Variants in UIMC1 observed in about 807,000 individuals in gnomAD.
UIMC1 encodes BRCA1-A complex subunit RAP80.
Under a neutral mutation model 84.9 loss-of-function variants are expected in UIMC1, and 42 were observed. The observed-to-expected ratio is 0.49, with a 90% CI of 0.39 to 0.64. UIMC1 has a LOEUF of 0.64. Ranked by LOEUF, UIMC1 falls within the 30% of genes least tolerant of loss-of-function variation. The pLI is 0.00. For missense variants in UIMC1, 825 were observed against 847.6 expected (o/e 0.97, Z 0.33); for synonymous variants, 281 against 293.0 (o/e 0.96, Z 0.42).
At chr5:176,982,437 A>ACAGCTCTACTTTT (rs752523869) in intron 2 of UIMC1, 32 bp downstream of exon 2, 14 of 1,596,976 alleles carry the variant, frequency 8.8e-6, no homozygotes, top group Non-Finnish European at 1.2e-5. Context: ...TTTGAGAGCT[A>ACAGCTCTACTTTT]CAGCTCTACT....
chr5:176,905,728 C>A, intron 14 of UIMC1: 1 of 631,672 alleles, frequency 1.6e-6, no homozygotes, highest in Non-Finnish European at 2.7e-6. Flanking sequence ...TCCCAAGCTG[C>A]TTGAGAATCC....
At chr5:176,965,624 T>G (rs1233575801) in intron 6 of UIMC1, among the ~76,000 whole-genome samples, 1 of 152,170 alleles carries the variant, frequency 6.6e-6, no homozygotes, top group Non-Finnish European at 1.5e-5. Context: ...CCTAGCCAAG[T>G]CCTCTTTTTA....
At chr5:176,913,007 C>T (rs915345244) in intron 10 of UIMC1, among the ~76,000 whole-genome samples, 8 of 152,180 alleles carry the variant, frequency 5.3e-5, no homozygotes, top group African/African-American at 1.9e-4. Flanking sequence ...ATTCACTTCC[C>T]CCTAGGGAAA....
intron 10 of UIMC1, among the ~76,000 whole-genome samples, chr5:176,918,515 A>G (rs1437495082): frequency 2.0e-5 from 3 of 152,234 alleles, no homozygotes; most frequent in Non-Finnish European, 2.9e-5. Flanking sequence ...TAAGCAAACA[A>G]TGAATTCATT....
At chr5:176,943,234 C>T (rs1219407766) in intron 10 of UIMC1, 101 bp downstream of exon 10, 9 of 1,404,192 alleles carry the variant, frequency 6.4e-6, no homozygotes, top group Non-Finnish European at 8.5e-6. Flanking sequence ...ACAACTTTAA[C>T]TTTGAAGAAC....
intron 6 of UIMC1, among the ~76,000 whole-genome samples, chr5:176,965,059 A>G (rs1442563236): frequency 2.0e-5 from 3 of 152,194 alleles, no homozygotes; most frequent in South Asian, 2.1e-4. Flanking sequence ...AAGCAGACAC[A>G]ATATAACCAT....
At chr5:177,007,513 T>G (rs991537824), upstream of UIMC1, among the ~76,000 whole-genome samples, 2 of 152,160 alleles carry the variant, frequency 1.3e-5, no homozygotes, top group Admixed American at 6.6e-5. Flanking sequence ...AGTGATATAC[T>G]ACAACAAATA....
chr5:176,953,982 T>C (rs937970075), intron 8 of UIMC1, among the ~76,000 whole-genome samples: 2 of 152,332 alleles, frequency 1.3e-5, no homozygotes, highest in East Asian at 3.9e-4. Flanking sequence ...GGAGTTTGGC[T>C]TCATGGTGAA....
intron 10 of UIMC1, among the ~76,000 whole-genome samples, chr5:176,938,050 C>T (rs193275): frequency 2.6e-4 from 40 of 151,716 alleles, no homozygotes; most frequent in African/African-American, 9.0e-4. Context: ...ATTAGCCAGG[C>T]GTGATGGCAT....
At chr5:176,931,268 T>C (rs1229294113) in intron 10 of UIMC1, among the ~76,000 whole-genome samples, 2 of 152,206 alleles carry the variant, frequency 1.3e-5, no homozygotes, top group African/African-American at 4.8e-5. Flanking sequence ...CGAAATGCTC[T>C]AGATGCCTGA....
At chr5:176,968,450 A>T in intron 6 of UIMC1, 105 bp downstream of exon 6, 1 of 1,424,378 alleles carries the variant, frequency 7.0e-7, no homozygotes, top group Non-Finnish European at 9.5e-7. Flanking sequence ...AACATGTATT[A>T]CTTTAATAAT....
intron 6 of UIMC1, among the ~76,000 whole-genome samples, chr5:176,967,687 G>C (rs1362441214): frequency 6.6e-6 from 1 of 152,114 alleles, no homozygotes; most frequent in Non-Finnish European, 1.5e-5. Flanking sequence ...TGGATGGCTT[G>C]AGTACAGGAG....
At chr5:176,922,382 C>A (rs1340228033) in intron 10 of UIMC1, among the ~76,000 whole-genome samples, 2 of 152,230 alleles carry the variant, frequency 1.3e-5, no homozygotes, top group Non-Finnish European at 1.5e-5. Context: ...GAGTACCCTA[C>A]AATTGGCTTA....
chr5:176,953,495 TACACACACACACAC>T (rs137955830), intron 8 of UIMC1, among the ~76,000 whole-genome samples: 3 of 136,976 alleles, frequency 2.2e-5, no homozygotes, highest in South Asian at 2.4e-4. Flanking sequence ...ACTGGACACA[TACACACACACACAC>T]ACACACACAC....
At chr5:176,991,630 C>CA (rs57753076) in intron 1 of UIMC1, among the ~76,000 whole-genome samples, 1,069 of 78,632 alleles carry the variant, frequency 0.014, 13 homozygotes, top group East Asian at 0.035. Context: ...AACTCCGTCT[C>CA]AAAAAAAAAA....
At chr5:176,966,396 C>G (rs1048942385) in intron 6 of UIMC1, among the ~76,000 whole-genome samples, 10 of 152,152 alleles carry the variant, frequency 6.6e-5, no homozygotes, top group Non-Finnish European at 1.0e-4. Flanking sequence ...AATCAGAACT[C>G]AACTCCAAAT....
intron 3 of UIMC1, among the ~76,000 whole-genome samples, chr5:176,973,347 A>C (rs1350409665): frequency 1.3e-5 from 2 of 152,214 alleles, no homozygotes; most frequent in Admixed American, 1.3e-4. Flanking sequence ...ACATACAATC[A>C]GTACATAAAA....
chr5:176,908,801 T>C (rs1039565331), intron 11 of UIMC1, 107 bp from the exon 12 acceptor site: 2 of 1,181,918 alleles, frequency 1.7e-6, no homozygotes, highest in Non-Finnish European at 2.4e-6. Flanking sequence ...AGTTATTCTA[T>C]GGAGGAGACA....
At chr5:177,010,175 C>T (rs116190298), upstream of UIMC1, among the ~76,000 whole-genome samples, 624 of 152,114 alleles carry the variant, frequency 4.1e-3, 6 homozygotes, top group African/African-American at 0.014. Flanking sequence ...ATGATCGCAC[C>T]ACTGCACTCT....
Sources: allele counts gnomAD v4.1 joint callset (sites outside exome capture counted in the v4.1 genomes callset), GRCh38; gene constraint gnomAD v4.1.1; transcripts MANE v1.5; gene names NCBI Gene and HGNC (gene_info 2026-07-23, HGNC 2026-07-21).